PPP3CA: variants seen among roughly 807,000 people sequenced by gnomAD.
The protein encoded by PPP3CA is protein phosphatase 3 catalytic subunit alpha, also known as CAM-PRP catalytic subunit.
A neutral mutation model predicts 66.5 loss-of-function variants in PPP3CA; 14 were observed. That is an observed-to-expected ratio of 0.21 (90% CI 0.14 to 0.33). The LOEUF (loss-of-function observed/expected upper bound fraction) is 0.33. Ranked by LOEUF, PPP3CA falls within the 10% of genes least tolerant of loss-of-function variation. PPP3CA has a pLI of 1.00. For missense variants in PPP3CA, 317 were observed against 639.5 expected, an observed-to-expected ratio of 0.50 and a Z score of 5.44; for synonymous variants, 232 against 226.2, an observed-to-expected ratio of 1.03 and a Z score of -0.23.
chr4:101,194,550 A>C (rs899962334), intron 2 of PPP3CA, among the ~76,000 whole-genome samples: 1 of 152,078 alleles, frequency 6.6e-6, no homozygotes, highest in Non-Finnish European at 1.5e-5. Context: ...CTGGTATTAG[A>C]AGCTGTATAC....
chr4:101,206,200 TC>T (rs1313393751), intron 1 of PPP3CA, among the ~76,000 whole-genome samples: 1 of 152,228 alleles, frequency 6.6e-6, no homozygotes, highest in Non-Finnish European at 1.5e-5. Context: ...TGCAGGAAGT[TC>T]CAATTCTCTG....
At chr4:101,298,280 A>G (rs1254274221) in intron 1 of PPP3CA, among the ~76,000 whole-genome samples, 1 of 151,920 alleles carries the variant, frequency 6.6e-6, no homozygotes, top group Non-Finnish European at 1.5e-5. Flanking sequence ...AAATTGGTCT[A>G]AGACAAAGAA....
intron 1 of PPP3CA, among the ~76,000 whole-genome samples, chr4:101,265,741 A>C (rs2110260564): frequency 6.6e-6 from 1 of 152,288 alleles, no homozygotes; most frequent in South Asian, 2.1e-4. Context: ...ATATACAAAC[A>C]CTGCTTCAAA....
intron 1 of PPP3CA, chr4:101,250,448 C>T (rs148101796): frequency 9.4e-6 from 4 of 427,010 alleles, no homozygotes; most frequent in African/African-American, 4.1e-5. Context: ...TGTTATGTTA[C>T]ATAGAAAGGA....
intron 1 of PPP3CA, among the ~76,000 whole-genome samples, chr4:101,300,549 C>T (rs1040241620): frequency 1.3e-5 from 2 of 152,146 alleles, no homozygotes; most frequent in African/African-American, 4.8e-5. Flanking sequence ...AATCCCAGCA[C>T]TTTGGGAGGC....
chr4:101,315,863 G>C (rs962592842), intron 1 of PPP3CA, among the ~76,000 whole-genome samples: 1 of 152,054 alleles, frequency 6.6e-6, no homozygotes, highest in African/African-American at 2.4e-5. Context: ...CCCCTTTTCT[G>C]CTCATCACTA....
At chr4:101,193,152 G>A (rs1476092563) in intron 2 of PPP3CA, among the ~76,000 whole-genome samples, 1 of 152,044 alleles carries the variant, frequency 6.6e-6, no homozygotes, top group East Asian at 1.9e-4. Flanking sequence ...ATTTTTTCCT[G>A]TTATATTCTG....
chr4:101,030,868 G>GT (rs1373463564), intron 12 of PPP3CA, among the ~76,000 whole-genome samples: 1 of 151,992 alleles, frequency 6.6e-6, no homozygotes, highest in Non-Finnish European at 1.5e-5. Flanking sequence ...ATTTCAGTCA[G>GT]TTAGGTAGAT....
intron 1 of PPP3CA, among the ~76,000 whole-genome samples, chr4:101,219,643 T>TA (rs944784765): frequency 2.8e-5 from 3 of 105,868 alleles, no homozygotes; most frequent in African/African-American, 1.5e-4. Flanking sequence ...AGAAGCTCTA[T>TA]TTTTTTTAAT....
intron 2 of PPP3CA, among the ~76,000 whole-genome samples, chr4:101,137,609 C>A (rs1722663691): frequency 6.6e-6 from 1 of 152,150 alleles, no homozygotes; most frequent in African/African-American, 2.4e-5. Flanking sequence ...CAAGGGTAGG[C>A]TGATGTCCTT....
intron 8 of PPP3CA, among the ~76,000 whole-genome samples, chr4:101,072,424 G>A (rs1728956845): frequency 6.6e-6 from 1 of 152,110 alleles, no homozygotes; most frequent in Non-Finnish European, 1.5e-5. Flanking sequence ...CAGTCAGTCA[G>A]CTGAGTTTCA....
At chr4:101,249,245 A>G (rs962254352) in intron 1 of PPP3CA, among the ~76,000 whole-genome samples, 3 of 152,134 alleles carry the variant, frequency 2.0e-5, no homozygotes, top group Non-Finnish European at 2.9e-5. Flanking sequence ...ACTACTACAC[A>G]GATGATTCCA....
chr4:101,228,401 T>G (rs1451883861), intron 1 of PPP3CA, among the ~76,000 whole-genome samples: 1 of 151,622 alleles, frequency 6.6e-6, no homozygotes, highest in Non-Finnish European at 1.5e-5. Context: ...TAAATTTTTA[T>G]ATAATTTAAT....
At chr4:101,313,511 T>C (rs773421440) in intron 1 of PPP3CA, among the ~76,000 whole-genome samples, 2 of 152,252 alleles carry the variant, frequency 1.3e-5, no homozygotes, top group Admixed American at 6.5e-5. Context: ...GAGGATTTAA[T>C]ATGACTTTCT....
chr4:101,295,174 G>A lies in PPP3CA; in HGVS notation c.58+51565C>T, dbSNP rs113703898. Among the ~76,000 whole-genome samples the A allele has an allele frequency of 4.7e-3, 713 of 151,066 alleles. 5 individuals are homozygous for A. Among genetic ancestry groups the A allele is most frequent in the African/African-American group, 0.015 (612 of 41,270 alleles). On this transcript the variant is annotated intron_variant, in intron 1 of 13. Coordinates refer to ENST00000394854, the MANE Select transcript of PPP3CA (RefSeq NM_000944.5). ...AAATTAGCCGGGCGCGGTGGCGGGC[G>A]CCTGTAGTCCCAGCTACTCGGGAGG...
chr4:101,193,296 G>GT (rs1296802920), intron 2 of PPP3CA, among the ~76,000 whole-genome samples: 4 of 152,118 alleles, frequency 2.6e-5, no homozygotes, highest in African/African-American at 9.7e-5. Flanking sequence ...TGGGGCCACA[G>GT]TTTTTCAACG....
chr4:101,198,538 C>G (rs1355692736), intron 1 of PPP3CA, among the ~76,000 whole-genome samples: 3 of 152,126 alleles, frequency 2.0e-5, no homozygotes, highest in Non-Finnish European at 4.4e-5. Context: ...CACAGGAGCA[C>G]AGAAGGGAAG....
At chr4:101,228,599 A>C (rs1353275928) in intron 1 of PPP3CA, among the ~76,000 whole-genome samples, 1 of 151,590 alleles carries the variant, frequency 6.6e-6, no homozygotes, top group Non-Finnish European at 1.5e-5. Flanking sequence ...ATTTAGGGAA[A>C]AAAAATCTTT....
intron 2 of PPP3CA, among the ~76,000 whole-genome samples, chr4:101,187,739 T>A (rs1029764655): frequency 1.3e-5 from 2 of 152,164 alleles, no homozygotes; most frequent in Admixed American, 1.3e-4. Flanking sequence ...TAAAATTAAA[T>A]GAAAAATATG....
Sources: gnomAD v4.1 joint callset for allele counts (sites outside exome capture counted in the v4.1 genomes callset) on GRCh38, gnomAD v4.1.1 for gene constraint, MANE v1.5 for transcripts, NCBI Gene and HGNC (gene_info 2026-07-23, HGNC 2026-07-21) for gene names.